The following MAML3 variants were observed in gnomAD, a reference collection of about 807,000 sequenced individuals.
MAML3 encodes mastermind-like protein 3.
Under a neutral mutation model 101.9 loss-of-function variants are expected in MAML3, and 27 were observed. The ratio of observed to expected loss-of-function variants is 0.27; its 90% CI spans 0.20 to 0.37. The LOEUF is 0.37. Ranked by LOEUF, MAML3 falls within the 10% of genes least tolerant of loss-of-function variation. MAML3 has a pLI of 1.00. For synonymous variants in MAML3, 501 were observed against 555.9 expected (o/e 0.90, Z 1.39); for missense variants, 1,316 against 1,444.9 (o/e 0.91, Z 1.45).
At chr4:140,148,156 T>C (rs949937818) in intron 1 of MAML3, among the ~76,000 whole-genome samples, 11 of 152,258 alleles carry the variant, frequency 7.2e-5, no homozygotes, top group Admixed American at 3.9e-4. Flanking sequence ...GTGGCAGAAA[T>C]CCTAAAAAAG....
intron 1 of MAML3, among the ~76,000 whole-genome samples, chr4:139,897,200 G>C (rs1440022799): frequency 6.6e-6 from 1 of 152,184 alleles, no homozygotes; most frequent in Admixed American, 6.5e-5. Flanking sequence ...TCCAACTCTA[G>C]TAAACCACCA....
intron 2 of MAML3, among the ~76,000 whole-genome samples, chr4:139,769,562 C>A (rs1729932996): frequency 6.6e-6 from 1 of 152,064 alleles, no homozygotes; most frequent in Non-Finnish European, 1.5e-5. Context: ...AAATATGACA[C>A]TTATGAACCG....
intron 1 of MAML3, among the ~76,000 whole-genome samples, chr4:140,141,640 C>T (rs762127083): frequency 6.6e-6 from 1 of 152,184 alleles, no homozygotes; most frequent in Non-Finnish European, 1.5e-5. Flanking sequence ...GAGCAGGTTC[C>T]TCCTTCAGTA....
chr4:139,774,607 C>T lies in MAML3; in HGVS notation c.2080-43940G>A, dbSNP rs114386977. 3.8e-3 allele frequency among the ~76,000 whole-genome samples: 577 copies of T among 152,122 alleles called. 2 individuals carry two copies. Among genetic ancestry groups the T allele is most frequent in the African/African-American group, 0.014 (567 of 41,486 alleles). The stretch of plus-strand genomic sequence containing the variant: ...AGTCTGAAAAGGACTTAAACTCTGT[C>T]GCTCCATTAATGATCAAGACAGGAA... On this transcript the variant is annotated intron_variant, in intron 2 of 4. Transcript: ENST00000509479.
chr4:139,818,019 G>C (rs1304683163), intron 2 of MAML3, among the ~76,000 whole-genome samples: 1 of 152,214 alleles, frequency 6.6e-6, no homozygotes, highest in African/African-American at 2.4e-5. Context: ...TGCCTGGTGG[G>C]TTTGTTAAAA....
intron 1 of MAML3, among the ~76,000 whole-genome samples, chr4:140,072,492 G>A (rs559758438): frequency 6.6e-6 from 1 of 152,070 alleles, no homozygotes; most frequent in Non-Finnish European, 1.5e-5. Flanking sequence ...CCAACATAAA[G>A]AAACCTCGTC....
intron 1 of MAML3, among the ~76,000 whole-genome samples, chr4:140,120,165 A>G (rs1198021878): frequency 3.4e-5 from 5 of 145,232 alleles, no homozygotes; most frequent in Non-Finnish European, 6.0e-5. Flanking sequence ...TGAACCCGGG[A>G]GGCGGAGCTT....
intron 1 of MAML3, among the ~76,000 whole-genome samples, chr4:140,082,117 T>C (rs1355985992): frequency 1.3e-5 from 2 of 152,188 alleles, no homozygotes; most frequent in African/African-American, 4.8e-5. Flanking sequence ...GCGGAGTGAA[T>C]GTAAGCAACA....
Position 139,849,689 on chromosome 4 carries a change from G to A in MAML3, c.2079+39668C>T, listed in dbSNP as rs937825627. Among the ~76,000 whole-genome samples the A allele has an allele frequency of 5.9e-5, 9 of 152,176 alleles. No individual in the cohort carries two copies. In the South Asian group the frequency reaches 1.2e-3, roughly 21 times the overall value. Reference sequence around the variant, plus strand: ...CACGTGATGGCAACAGAACCCTGAAGTACACAACAGTTAATCCAATGAGAT... The same window carrying A: ...CACGTGATGGCAACAGAACCCTGAAATACACAACAGTTAATCCAATGAGAT... On this transcript the variant is annotated intron_variant, in intron 2 of 4. Transcript: ENST00000509479.
intron 1 of MAML3, among the ~76,000 whole-genome samples, chr4:140,062,055 C>G (rs767432654): frequency 6.6e-6 from 1 of 152,124 alleles, no homozygotes; most frequent in South Asian, 2.1e-4. Context: ...AGATACCTCC[C>G]GCCCCCATTA....
chr4:140,150,829 G>A (rs1323363824), intron 1 of MAML3, among the ~76,000 whole-genome samples: 2 of 152,204 alleles, frequency 1.3e-5, no homozygotes, highest in African/African-American at 4.8e-5. Context: ...GACCGGCCCC[G>A]CCTCCGGCTA....
At chr4:140,136,306 T>A (rs1027450919) in intron 1 of MAML3, among the ~76,000 whole-genome samples, 1 of 152,186 alleles carries the variant, frequency 6.6e-6, no homozygotes, top group African/African-American at 2.4e-5. Flanking sequence ...AAAAGCCTCC[T>A]CTTGCCTCTC....
In MAML3 at chr4:140,153,446, T is replaced by C. The variant is rs946863775; in HGVS notation, c.-119A>G. 8.9e-7 allele frequency: 1 copy of C among 1,117,526 alleles called. No homozygotes were observed. The highest frequency in any genetic ancestry group is 1.7e-5 in the African/African-American group (1 of 58,768). 69.2% of individuals were successfully genotyped at this position (1,117,526 alleles called of 1,614,324 possible). On this transcript the variant is annotated 5_prime_UTR_variant, in exon 1 of 5. It removes an upstream start codon present in the reference 5' UTR. Coordinates refer to ENST00000509479, the MANE Select transcript of MAML3 (RefSeq NM_018717.5). Reference sequence around the variant, plus strand: ...GGAACGCGGGGGAGACGCAAGCACATGGATGGAAACGGCGATCCCGACGGG... The same window carrying C: ...GGAACGCGGGGGAGACGCAAGCACACGGATGGAAACGGCGATCCCGACGGG...
chr4:139,741,301 T>G (rs1729158108), intron 2 of MAML3, among the ~76,000 whole-genome samples: 1 of 152,178 alleles, frequency 6.6e-6, no homozygotes, highest in Non-Finnish European at 1.5e-5. Flanking sequence ...TGAGGGCCTA[T>G]GGGGGATCAG....
intron 1 of MAML3, among the ~76,000 whole-genome samples, chr4:139,947,993 C>T (rs913039660): frequency 1.6e-4 from 25 of 151,908 alleles, no homozygotes; most frequent in South Asian, 2.1e-4. Context: ...CTCAGCTACT[C>T]GGGAGGCTGA....
chr4:139,761,015 A>G (rs1204341516), intron 2 of MAML3, among the ~76,000 whole-genome samples: 1 of 151,980 alleles, frequency 6.6e-6, no homozygotes, highest in Non-Finnish European at 1.5e-5. Context: ...CTGGAGTACA[A>G]TGGCGCAATC....
At chr4:139,999,876 A>G (rs971626240) in intron 1 of MAML3, among the ~76,000 whole-genome samples, 2 of 152,228 alleles carry the variant, frequency 1.3e-5, no homozygotes, top group Admixed American at 1.3e-4. Context: ...AGAACTCAGT[A>G]AATGACCCAC....
intron 1 of MAML3, among the ~76,000 whole-genome samples, chr4:140,079,060 G>C (rs950853268): frequency 2.0e-5 from 3 of 152,086 alleles, no homozygotes; most frequent in Admixed American, 2.0e-4. Flanking sequence ...TTGATAAGAA[G>C]GAAGGCAAAA....
At chr4:139,751,578 A>G (rs985525032) in intron 2 of MAML3, among the ~76,000 whole-genome samples, 19 of 152,142 alleles carry the variant, frequency 1.2e-4, no homozygotes, top group African/African-American at 4.3e-4. Flanking sequence ...ATTTTGGAGG[A>G]TTTTGGATTT....
Sources: allele counts gnomAD v4.1 joint callset (sites outside exome capture counted in the v4.1 genomes callset), GRCh38; gene constraint gnomAD v4.1.1; transcripts MANE v1.5; gene names NCBI Gene and HGNC (gene_info 2026-07-23, HGNC 2026-07-21).